The following GALNT14 variants were observed in gnomAD, a reference collection of about 807,000 sequenced individuals.
GALNT14 encodes polypeptide N-acetylgalactosaminyltransferase 14.
GALNT14 carries 60 observed loss-of-function variants against 77.5 expected under a neutral mutation model. That is an observed-to-expected ratio of 0.77 (90% confidence interval 0.63 to 0.96). The LOEUF is 0.96. GALNT14 is among the 40% of genes least tolerant of loss of function. GALNT14 has a pLI of 0.00. For synonymous variants in GALNT14, 280 were observed against 281.7 expected (o/e 0.99, Z 0.06); for missense variants, 710 against 731.0 (o/e 0.97, Z 0.33).
the GALNT14 span, among the ~76,000 whole-genome samples, chr2:30,896,862 A>AT: frequency 5.1e-3 from 771 of 150,390 alleles, 9 homozygotes; most frequent in South Asian, 0.031. Flanking sequence ...GCCATTGTCT[A>AT]TTTTTTTTGC....
At chr2:31,048,025 A>G (rs1424070625) in intron 1 of GALNT14, among the ~76,000 whole-genome samples, 1 of 152,226 alleles carries the variant, frequency 6.6e-6, no homozygotes, top group Non-Finnish European at 1.5e-5. Flanking sequence ...CTTAGGGTCC[A>G]TAAGATTTAA....
rs1314413821 is a variant in GALNT14 at position 30,910,909 on chromosome 2, TCA to T, written c.1649_1650del (p.Val550GlufsTer78). 6.2e-7 allele frequency: 1 copy of T among 1,613,664 alleles called. No homozygotes were observed. Among genetic ancestry groups the T allele is most frequent in the East Asian group, 2.2e-5 (1 of 44,808 alleles). The part of the protein sequence containing the change: ...SSLMSQHWDM[V>X]SS Reference sequence around the variant, plus strand: ...GCTTCTGGCAGGGGTCCTCAAGAGCTCACCATGTCCCAGTGCTGGCTCATGAG... The same window carrying T: ...GCTTCTGGCAGGGGTCCTCAAGAGCTCCATGTCCCAGTGCTGGCTCATGAG... On this transcript the variant is annotated frameshift_variant, in exon 15 of 15. Coordinates refer to ENST00000349752, the MANE Select transcript of GALNT14 (RefSeq NM_024572.4). LOFTEE classifies it high-confidence loss of function.
chr2:30,963,895 C>T (rs1254156144), intron 3 of GALNT14, among the ~76,000 whole-genome samples: 1 of 152,142 alleles, frequency 6.6e-6, no homozygotes, highest in African/African-American at 2.4e-5. Flanking sequence ...GCACTAAGTA[C>T]GATTAGTATT....
intron 11 of GALNT14, among the ~76,000 whole-genome samples, chr2:30,926,557 T>C (rs574617955): frequency 6.6e-6 from 1 of 152,272 alleles, no homozygotes; most frequent in South Asian, 2.1e-4. Flanking sequence ...AGCATAGATA[T>C]AGTGCTTAAT....
chr2:31,112,932 A>C (rs987211749), intron 1 of GALNT14, among the ~76,000 whole-genome samples: 1 of 152,206 alleles, frequency 6.6e-6, no homozygotes, highest in Non-Finnish European at 1.5e-5. Context: ...AGTCTAGATG[A>C]ATTAGGCCTC....
chr2:31,130,788 GCGCAC>G (rs1678954397), intron 1 of GALNT14, among the ~76,000 whole-genome samples: 1 of 141,016 alleles, frequency 7.1e-6, no homozygotes, highest in African/African-American at 2.8e-5. Context: ...GTGTGTGCGC[GCGCAC>G]CTGTGTGTGT....
chr2:31,006,038 C>T (rs1345731898), intron 1 of GALNT14, among the ~76,000 whole-genome samples: 2 of 152,156 alleles, frequency 1.3e-5, no homozygotes, highest in Non-Finnish European at 1.5e-5. Flanking sequence ...ACCTGGACTT[C>T]AGAGCTTCCT....
At chr2:31,018,756 A>G (rs1199574929) in intron 1 of GALNT14, among the ~76,000 whole-genome samples, 1 of 152,162 alleles carries the variant, frequency 6.6e-6, no homozygotes, top group Non-Finnish European at 1.5e-5. Flanking sequence ...AAATTTGTGC[A>G]GGTTCTTTGG....
chr2:31,007,372 G>A (rs1305138128), intron 1 of GALNT14, among the ~76,000 whole-genome samples: 6 of 152,304 alleles, frequency 3.9e-5, no homozygotes, highest in South Asian at 2.1e-4. Context: ...ACTTGCTTAT[G>A]TAAACAAGAC....
chr2:30,922,693 C>T (rs943727633), intron 13 of GALNT14, among the ~76,000 whole-genome samples: 2 of 152,228 alleles, frequency 1.3e-5, no homozygotes, highest in South Asian at 2.1e-4. Flanking sequence ...TCTCTTGCAA[C>T]TTCTATGGTA....
At chr2:31,079,140 T>C (rs995972021) in intron 1 of GALNT14, 1 of 1,038,934 alleles carries the variant, frequency 9.6e-7, no homozygotes, top group Non-Finnish European at 1.2e-6. Flanking sequence ...GGACACCAGC[T>C]TGTTTGAACC....
downstream of GALNT14, among the ~76,000 whole-genome samples, chr2:30,909,726 C>T (rs942264684): frequency 1.3e-5 from 2 of 151,816 alleles, no homozygotes; most frequent in Non-Finnish European, 2.9e-5. Context: ...ACCCAAAGGA[C>T]TATAAATCAT....
the GALNT14 span, among the ~76,000 whole-genome samples, chr2:30,892,497 G>A: frequency 6.6e-6 from 1 of 152,168 alleles, no homozygotes; most frequent in African/African-American, 2.4e-5. Flanking sequence ...ACAATTTTTA[G>A]CAATTTATTA....
rs757806947 is a variant in GALNT14, at chr2:30,929,477, G to T, written c.1069C>A (p.Arg357=). The change falls in exon 11 of 15, where the codon CGG becomes AGG. Residue 357 remains arginine, a synonymous_variant. Transcript: ENST00000349752. ...TCATCCATCCACACTTCAGCTGTCCGCTTGGTGTTCCTGGGAAAACAAGGA... is the reference window on the plus strand; with the variant it reads ...TCATCCATCCACACTTCAGCTGTCCTCTTGGTGTTCCTGGGAAAACAAGGA... ...NANTYIKNTK[R]TAEVWMDEYK... 29 of 1,613,610 alleles carry T rather than the reference G, an allele frequency of 1.8e-5. No individual in the cohort carries two copies. The highest frequency in any genetic ancestry group is 2.5e-5 in the Non-Finnish European group (29 of 1,179,728).
intron 1 of GALNT14, among the ~76,000 whole-genome samples, chr2:31,094,595 GT>G (rs1475678685): frequency 1.3e-5 from 2 of 152,308 alleles, no homozygotes; most frequent in East Asian, 3.9e-4. Context: ...CTTTGATCCA[GT>G]TTATTCCACA....
downstream of GALNT14, among the ~76,000 whole-genome samples, chr2:30,909,056 A>T (rs1018321601): frequency 6.6e-6 from 1 of 152,090 alleles, no homozygotes; most frequent in African/African-American, 2.4e-5. Context: ...ACAAAATTCA[A>T]TTCAAGATGG....
chr2:30,939,451 C>G (rs898706258), intron 9 of GALNT14, among the ~76,000 whole-genome samples: 9 of 152,120 alleles, frequency 5.9e-5, no homozygotes, highest in African/African-American at 2.2e-4. Context: ...GGACCTAAGG[C>G]TGAGGCAGGA....
At chr2:31,112,959 TA>T (rs1436971617) in intron 1 of GALNT14, among the ~76,000 whole-genome samples, 6 of 152,212 alleles carry the variant, frequency 3.9e-5, no homozygotes, top group African/African-American at 1.4e-4. Flanking sequence ...AGTGGTGTTA[TA>T]TGCAGCTACT....
At chr2:30,910,447 G>A (rs936412655), downstream of GALNT14, 4 of 155,514 alleles carry the variant, frequency 2.6e-5, no homozygotes, top group African/African-American at 9.6e-5. Flanking sequence ...GCCAACAAAA[G>A]AAGAAAAGAG....
Sources: gnomAD v4.1 joint callset for allele counts (sites outside exome capture counted in the v4.1 genomes callset) on GRCh38, gnomAD v4.1.1 for gene constraint, MANE v1.5 for transcripts, NCBI Gene and HGNC (gene_info 2026-07-23, HGNC 2026-07-21) for gene names.